The following FGF14 variants were observed in gnomAD, a reference collection of about 807,000 sequenced individuals.
FGF14 encodes fibroblast growth factor homologous factor 4.
In FGF14, 5 loss-of-function variants were observed where a neutral mutation model predicts 25.5. The observed-to-expected ratio is 0.20, with a 90% CI of 0.10 to 0.41. The LOEUF (loss-of-function observed/expected upper bound fraction) is 0.41. Among genes scored for constraint, FGF14 ranks in the 10% least tolerant of loss-of-function variants. The pLI, the probability that FGF14 is intolerant of heterozygous loss-of-function variation, is 1.00. For synonymous variants in FGF14, 138 were observed against 118.3 expected (o/e 1.17, Z -1.08); for missense variants, 222 against 320.1 (o/e 0.69, Z 2.34).
chr13:102,020,767 A>C (rs1041161860), intron 1 of FGF14, among the ~76,000 whole-genome samples: 4 of 152,070 alleles, frequency 2.6e-5, no homozygotes, highest in Non-Finnish European at 5.9e-5. Flanking sequence ...AGGAACTCTG[A>C]ATGTGAACAA....
At chr13:102,304,219 C>T (rs2055241027) in intron 1 of FGF14, among the ~76,000 whole-genome samples, 2 of 152,060 alleles carry the variant, frequency 1.3e-5, no homozygotes, top group South Asian at 4.1e-4. Context: ...AGAGTCCTGT[C>T]TTCCTACTGA....
At chr13:101,826,052 A>G (rs1223632641) in intron 3 of FGF14, among the ~76,000 whole-genome samples, 1 of 152,160 alleles carries the variant, frequency 6.6e-6, no homozygotes, top group African/African-American at 2.4e-5. Flanking sequence ...CAGTTTATAT[A>G]CAAATGCATA....
intron 1 of FGF14, among the ~76,000 whole-genome samples, chr13:102,298,977 G>A (rs1158652486): frequency 6.6e-6 from 1 of 152,080 alleles, no homozygotes; most frequent in Admixed American, 6.6e-5. Context: ...TACACTAGAC[G>A]TGAATCTGTT....
chr13:102,126,369 G>A (rs2045949606), intron 1 of FGF14, among the ~76,000 whole-genome samples: 1 of 152,082 alleles, frequency 6.6e-6, no homozygotes, highest in South Asian at 2.1e-4. Flanking sequence ...TGTTTTCAAG[G>A]TTCATTCATG....
rs1257277594 is a variant in FGF14, at chr13:101,821,077, T to C, written c.408+47648A>G. ...CATTCTCCTGCCTCAGCCTCCCAAG[T>C]AGCTGGGAGTACAGGCGCCCGCTAC... On this transcript the variant is annotated intron_variant, in intron 3 of 4. Transcript: ENST00000376143. 5.4e-5 allele frequency among the ~76,000 whole-genome samples: 8 copies of C among 147,928 alleles called. 1 individual carries two copies. Among genetic ancestry groups the C allele is most frequent in the African/African-American group, 7.4e-5 (3 of 40,666 alleles).
At chr13:101,856,721 C>T (rs932764745) in intron 3 of FGF14, among the ~76,000 whole-genome samples, 1 of 151,948 alleles carries the variant, frequency 6.6e-6, no homozygotes, top group African/African-American at 2.4e-5. Flanking sequence ...TTTCTTATAA[C>T]ACAATAACTA....
In FGF14 at chr13:102,204,594, T is replaced by G. The variant is rs143986584; in HGVS notation, c.208+196877A>C. 9.7e-3 allele frequency among the ~76,000 whole-genome samples: 1,472 copies of G among 152,282 alleles called. 7 individuals are homozygous for G. Among genetic ancestry groups the G allele is most frequent in the Non-Finnish European group, 0.015 (1,033 of 68,026 alleles). ...CAGAGTCTTCCTCTGTCACCCAGGC[T>G]GGGGTGCAGTGGTGCGGTCGTGGCT... On this transcript the variant is annotated intron_variant, in intron 1 of 4. Coordinates refer to the FGF14 transcript ENST00000376131.
intron 1 of FGF14, among the ~76,000 whole-genome samples, chr13:102,207,591 A>G (rs916736016): frequency 4.7e-4 from 70 of 149,536 alleles, no homozygotes; most frequent in African/African-American, 1.5e-3. Flanking sequence ...GTTTTGCAAC[A>G]TCTGTCCTTG....
chr13:102,201,937 C>A (rs138120304), intron 1 of FGF14, among the ~76,000 whole-genome samples: 1 of 152,236 alleles, frequency 6.6e-6, no homozygotes, highest in East Asian at 1.9e-4. Context: ...GATGTGGGGC[C>A]TGGTGGGAGG....
intron 2 of FGF14, among the ~76,000 whole-genome samples, chr13:101,870,411 G>T (rs2140455794): frequency 1.3e-5 from 2 of 151,882 alleles, no homozygotes; most frequent in South Asian, 4.2e-4. Flanking sequence ...GTCCACGCAA[G>T]GTACACTAAC....
intron 3 of FGF14, among the ~76,000 whole-genome samples, chr13:101,736,630 A>C (rs1412110558): frequency 6.6e-6 from 1 of 152,178 alleles, no homozygotes; most frequent in Non-Finnish European, 1.5e-5. Context: ...TTGGATATGA[A>C]TGTACATCCA....
At chr13:101,968,292 T>C (rs1468719314) in intron 1 of FGF14, among the ~76,000 whole-genome samples, 3 of 152,194 alleles carry the variant, frequency 2.0e-5, no homozygotes, top group East Asian at 3.8e-4. Flanking sequence ...CTAAAAAATA[T>C]TTTTTGCAAG....
Position 101,865,811 on chromosome 13 carries a change from A to C in FGF14, c.408+2914T>G, listed in dbSNP as rs187484496. ...TTATTGACTACTTCTAAACCTATGGATCTTCAAAAAAATCAATTTCATATT... is the reference window on the plus strand; with the variant it reads ...TTATTGACTACTTCTAAACCTATGGCTCTTCAAAAAAATCAATTTCATATT... On this transcript the variant is annotated intron_variant, in intron 3 of 4. Transcript: ENST00000376143. 2.0e-5 allele frequency among the ~76,000 whole-genome samples: 3 copies of C among 152,156 alleles called. No homozygotes were observed. The East Asian group carries it at 5.8e-4, about 29-fold the overall frequency.
intron 1 of FGF14, among the ~76,000 whole-genome samples, chr13:101,972,738 A>G (rs4372565): frequency 0.38 from 57,201 of 151,728 alleles, 11,169 homozygotes; most frequent in East Asian, 0.7. Context: ...CGAACTCCCC[A>G]GCTCAAGCTA....
At chr13:102,254,674 C>T (rs571627851) in intron 1 of FGF14, among the ~76,000 whole-genome samples, 3 of 152,286 alleles carry the variant, frequency 2.0e-5, no homozygotes, top group African/African-American at 4.8e-5. Flanking sequence ...TGATGGGGAG[C>T]TGTCATGTCC....
chr13:101,884,837 T>C (rs1037164127), intron 1 of FGF14, among the ~76,000 whole-genome samples: 2 of 148,460 alleles, frequency 1.3e-5, no homozygotes, highest in African/African-American at 5.0e-5. Flanking sequence ...CCCTGCCTAA[T>C]CTTGACCAAA....
intron 3 of FGF14, among the ~76,000 whole-genome samples, chr13:101,847,576 T>G (rs1192334340): frequency 6.6e-6 from 1 of 152,100 alleles, no homozygotes; most frequent in Non-Finnish European, 1.5e-5. Context: ...ACATGATAAT[T>G]AGCCAAGTAT....
At chr13:102,354,826 T>C (rs1251318804) in intron 1 of FGF14, among the ~76,000 whole-genome samples, 3 of 152,344 alleles carry the variant, frequency 2.0e-5, no homozygotes, top group Middle Eastern at 3.4e-3. Flanking sequence ...ACCTCTGTTC[T>C]TATTCTCTCT....
At chr13:102,267,495 T>C (rs1394504461) in intron 1 of FGF14, among the ~76,000 whole-genome samples, 4 of 152,182 alleles carry the variant, frequency 2.6e-5, no homozygotes, top group Non-Finnish European at 4.4e-5. Context: ...TTTTGGAACA[T>C]TGAAGGACAT....
Sources: gnomAD v4.1 joint callset for allele counts (sites outside exome capture counted in the v4.1 genomes callset) on GRCh38, gnomAD v4.1.1 for gene constraint, MANE v1.5 for transcripts, NCBI Gene and HGNC (gene_info 2026-07-23, HGNC 2026-07-21) for gene names.